The following KNDC1 variants were observed in gnomAD, a reference collection of about 807,000 sequenced individuals.
KNDC1 encodes the protein kinase non-catalytic C-lobe domain containing 1, also known as kinase non-catalytic C-lobe domain-containing protein 1.
A neutral mutation model predicts 172.8 loss-of-function variants in KNDC1; 106 were observed. The observed-to-expected ratio is 0.61, with a 90% CI of 0.52 to 0.72. The LOEUF is 0.72. Ranked by LOEUF, KNDC1 falls within the 30% of genes least tolerant of loss-of-function variation. The pLI, the probability that KNDC1 is intolerant of heterozygous loss-of-function variation, is 0.00. For synonymous variants in KNDC1, 1,083 were observed against 1,062.2 expected, an observed-to-expected ratio of 1.02 and a Z score of -0.38; for missense variants, 2,325 against 2,394.5, an observed-to-expected ratio of 0.97 and a Z score of 0.61.
intron 17 of KNDC1, among the ~76,000 whole-genome samples, chr10:133,204,577 C>T (rs1260039989): frequency 6.6e-6 from 1 of 152,190 alleles, no homozygotes; most frequent in Admixed American, 6.5e-5. Flanking sequence ...TGAACCCGTG[C>T]GTGGGAGAAG....
At chr10:133,177,305 T>C (rs190233811) in intron 3 of KNDC1, among the ~76,000 whole-genome samples, 166 of 152,260 alleles carry the variant, frequency 1.1e-3, no homozygotes, top group Middle Eastern at 3.4e-3. Flanking sequence ...ATCTATGTAG[T>C]GTGTACATGT....
Position 133,224,174 on chromosome 10 carries a change from C to T in KNDC1, c.5019-485C>T, listed in dbSNP as rs1845673090. On this transcript the variant is annotated intron_variant, in intron 29 of 29. Transcript: ENST00000304613. This position sits in a 1 kb window ranked among gnomAD's most constrained non-coding sequence, Gnocchi z 5.4. ...GTGGCATCAGTGTCCCCAGGCCTGG[C>T]TGAGGGCTCCTGCTCGTGACTGGCC... Among the ~76,000 whole-genome samples the T allele has an allele frequency of 6.6e-6, 1 of 152,220 alleles. No homozygotes were observed. The highest frequency in any genetic ancestry group is 1.5e-5 in the Non-Finnish European group (1 of 68,048).
In KNDC1 at chr10:133,179,723, C is replaced by T. The variant is rs149711980; in HGVS notation, c.361-3621C>T. On this transcript the variant is annotated intron_variant, in intron 3 of 29. Transcript: ENST00000304613. ...AGGCGAGAGCTACCGGGATGCCCAT[C>T]GCGATCGCAGGCGCCGTGGGAGCTG... Among the ~76,000 whole-genome samples, 547 of 152,346 alleles carry T rather than the reference C, an allele frequency of 3.6e-3. 5 individuals are homozygous for T. The highest frequency in any genetic ancestry group is 0.012 in the African/African-American group (491 of 41,586).
chr10:133,199,631 C>T (rs762345516), intron 15 of KNDC1, 29 bp downstream of exon 15: 17 of 1,608,320 alleles, frequency 1.1e-5, no homozygotes, highest in South Asian at 4.4e-5. Context: ...CCTGCATTCC[C>T]GCCCCTCCCT....
intron 10 of KNDC1, 80 bp from the exon 11 acceptor site, chr10:133,196,978 A>T: frequency 8.6e-7 from 1 of 1,157,592 alleles, no homozygotes; most frequent in Non-Finnish European, 1.3e-6. Context: ...GAGCTTTTTC[A>T]GATGGGGACC....
chr10:133,178,119 G>T (rs925386403), intron 3 of KNDC1, among the ~76,000 whole-genome samples: 1 of 151,410 alleles, frequency 6.6e-6, no homozygotes, highest in Non-Finnish European at 1.5e-5. Flanking sequence ...CATGTGTGTG[G>T]TGTGTGTGCA....
intron 21 of KNDC1, 96 bp downstream of exon 21, chr10:133,210,820 G>T (rs541773197): frequency 1.9e-6 from 2 of 1,045,706 alleles, no homozygotes; most frequent in Non-Finnish European, 3.0e-6. Context: ...GAACGAGGTG[G>T]TCCCTGGCGA....
At chr10:133,202,662 C>A (rs1335444976) in intron 17 of KNDC1, 1 of 456,692 alleles carries the variant, frequency 2.2e-6, no homozygotes, top group Non-Finnish European at 4.4e-6. Flanking sequence ...TCCTGGGGCT[C>A]CTCCTTGCTC....
At chr10:133,192,748 C>A (rs1333118832) in intron 9 of KNDC1, among the ~76,000 whole-genome samples, 1 of 151,870 alleles carries the variant, frequency 6.6e-6, no homozygotes, top group East Asian at 1.9e-4. Context: ...ACAGTTTGGA[C>A]AACAAAGAGA....
At chr10:133,160,941 A>G (rs1229349596) in intron 1 of KNDC1, among the ~76,000 whole-genome samples, 3 of 151,666 alleles carry the variant, frequency 2.0e-5, no homozygotes, top group Non-Finnish European at 4.4e-5. Context: ...GGCGCCGCTC[A>G]GGAGCTGGGG....
Position 133,212,726 on chromosome 10 carries a change from G to A in KNDC1, c.4247G>A (p.Trp1416Ter). Residue 1416 changes from tryptophan (W) to a stop codon, truncating the protein, a stop_gained, in exon 24 of 30, where the codon TGG becomes TAG. Transcript: ENST00000304613. LOFTEE classifies it high-confidence loss of function. ...EDGISRKSFP[W>*]RLPRGNGLVL... ...CGGCCTGCCCTGCAGAGCTTCCCCT[G>A]GAGGCTGCCCCGAGGCAACGGGCTG... is the stretch of plus-strand genomic sequence containing the variant. 2.5e-6 allele frequency: 4 copies of A among 1,612,868 alleles called. No homozygotes were observed. The highest frequency in any genetic ancestry group is 3.4e-6 in the Non-Finnish European group (4 of 1,179,684).
intron 29 of KNDC1, among the ~76,000 whole-genome samples, chr10:133,222,762 TGC>T (rs200527857): frequency 2.1e-4 from 4 of 19,074 alleles, no homozygotes; most frequent in East Asian, 8.9e-4. Context: ...CCGGCGTGTG[TGC>T]GTGTGCGTGA....
chr10:133,184,002 A>C lies in KNDC1; in HGVS notation c.625+13A>C. Reference sequence around the variant, plus strand: ...GGAGCGCTGCAGGGTGAGTTCTTGAACCCACACACGTGCATCCTCATGCAC... The same window carrying C: ...GGAGCGCTGCAGGGTGAGTTCTTGACCCCACACACGTGCATCCTCATGCAC... On this transcript the variant is annotated intron_variant, in intron 5 of 29. Transcript: ENST00000304613. The C allele has an allele frequency of 1.3e-6, 2 of 1,494,934 alleles. No homozygotes were observed. The highest frequency in any genetic ancestry group is 1.8e-6 in the Non-Finnish European group (2 of 1,094,694). 92.6% of individuals were successfully genotyped at this position (1,494,934 alleles called of 1,614,324 possible).
At position 133,209,669 on chromosome 10, in the gene KNDC1, G is replaced by A. The variant is rs915646955; in HGVS notation, c.3795-942G>A. ...TCCATGGAAGGAGCGTCTCCTGGCC[G>A]TGATGTGGTCACGAGGGGCTTCCCC... is the stretch of plus-strand genomic sequence containing the variant. On this transcript the variant is annotated intron_variant, in intron 20 of 29. Coordinates refer to ENST00000304613, the MANE Select transcript of KNDC1 (RefSeq NM_152643.8). This position sits in a 1 kb window ranked among gnomAD's most constrained non-coding sequence, Gnocchi z 4.9. Among the ~76,000 whole-genome samples, 4 of 152,058 alleles carry A rather than the reference G, an allele frequency of 2.6e-5. No individual in the cohort carries two copies. Among genetic ancestry groups the A allele is most frequent in the Non-Finnish European group, 4.4e-5 (3 of 67,984 alleles).
At chr10:133,183,547 A>C in intron 4 of KNDC1, 57 bp downstream of exon 4, 1 of 1,520,702 alleles carries the variant, frequency 6.6e-7, no homozygotes, top group Non-Finnish European at 8.8e-7. Context: ...ACAGGCCTGG[A>C]CACCGTGTGC....
intron 29 of KNDC1, among the ~76,000 whole-genome samples, chr10:133,220,828 C>T (rs112120950): frequency 1.3e-5 from 2 of 151,796 alleles, no homozygotes; most frequent in Admixed American, 6.5e-5. Context: ...TCAGGAGGGG[C>T]TCAGGTGGCC....
chr10:133,170,006 G>A (rs1853323583), intron 3 of KNDC1, among the ~76,000 whole-genome samples: 1 of 152,228 alleles, frequency 6.6e-6, no homozygotes, highest in South Asian at 2.1e-4. Context: ...GAAAAGACTT[G>A]AGGCCATCTG....
intron 20 of KNDC1, among the ~76,000 whole-genome samples, chr10:133,207,753 T>C (rs1436755631): frequency 2.0e-5 from 3 of 152,190 alleles, no homozygotes; most frequent in Admixed American, 2.0e-4. Context: ...GGCTGGGGTG[T>C]TTCTGCAGCC....
At chr10:133,206,498 C>T (rs1435888499) in intron 17 of KNDC1, among the ~76,000 whole-genome samples, 187 bp from the exon 18 acceptor site, 2 of 151,676 alleles carry the variant, frequency 1.3e-5, no homozygotes, top group African/African-American at 2.4e-5. Context: ...CAGCCCAGGG[C>T]CCCCCAGACC....
Sources: allele counts gnomAD v4.1 joint callset (sites outside exome capture counted in the v4.1 genomes callset), GRCh38; gene constraint gnomAD v4.1.1; non-coding constraint Gnocchi (gnomAD v3.1); transcripts MANE v1.5; gene names NCBI Gene and HGNC (gene_info 2026-07-23, HGNC 2026-07-21).